MAP9: variants seen among roughly 807,000 people sequenced by gnomAD.
MAP9 encodes the protein microtubule-associated protein 9.
Under a neutral mutation model 75.2 loss-of-function variants are expected in MAP9, and 80 were observed. The ratio of observed to expected loss-of-function variants is 1.06; its 90% CI spans 0.89 to 1.28. The LOEUF (loss-of-function observed/expected upper bound fraction) is 1.28, where lower values mean the gene tolerates loss of function less well. Among genes scored for constraint, MAP9 ranks in the 50% most tolerant of loss-of-function variants. MAP9 has a pLI of 0.00. For synonymous variants in MAP9, 235 were observed against 237.3 expected, an observed-to-expected ratio of 0.99 and a Z score of 0.09; for missense variants, 753 against 719.9, an observed-to-expected ratio of 1.05 and a Z score of -0.53.
intron 13 of MAP9, chr4:155,351,061 A>G (rs1479448729): frequency 2.6e-5 from 4 of 151,968 alleles, no homozygotes; most frequent in Admixed American, 2.6e-4. Flanking sequence ...GACTGGTCAG[A>G]AAGACTGTGA....
In MAP9 at chr4:155,342,892, A is replaced by AT. The variant is rs1350488347; in HGVS notation, c.*4890_*4891insA. ...TCCTTACATTTATAAATTCTTATTT[A>AT]ATTTTATAGCTTTAATGCGGTCCAT... On this transcript the variant is annotated 3_prime_UTR_variant, in exon 14 of 14. Transcript: ENST00000311277. The AT allele has an allele frequency of 6.6e-6, 1 of 152,024 alleles. No individual in the cohort carries two copies. The highest frequency in any genetic ancestry group is 1.5e-5 in the Non-Finnish European group (1 of 67,952). 9.4% of individuals were successfully genotyped at this position (152,024 alleles called of 1,614,324 possible).
At chr4:155,359,210 T>TACACACACACACACACACACAC (rs56261222) in intron 7 of MAP9, among the ~76,000 whole-genome samples, 1 of 145,478 alleles carries the variant, frequency 6.9e-6, no homozygotes, top group Non-Finnish European at 1.5e-5. Context: ...AAAATGTGTA[T>TACACACACACACACACACACAC]ACACACACAC....
intron 5 of MAP9, among the ~76,000 whole-genome samples, chr4:155,365,485 GAATGATA>G (rs1333706035): frequency 6.6e-6 from 1 of 151,980 alleles, no homozygotes; most frequent in African/African-American, 2.4e-5. Context: ...AAGAAGATCT[GAATGATA>G]TTACCAACCA....
chr4:155,344,996 T>C lies in MAP9; in HGVS notation c.*2787A>G, dbSNP rs1035654842. On this transcript the variant is annotated 3_prime_UTR_variant, in exon 14 of 14. Transcript: ENST00000311277. ...CTATATACTTTTAATGTCCTTAATT[T>C]GAATTAAACATTCCCTTATAATACA... The C allele has an allele frequency of 2.6e-5, 4 of 152,000 alleles. No homozygotes were observed. The highest frequency in any genetic ancestry group is 9.7e-5 in the African/African-American group (4 of 41,444). The allele number at this position is 152,000 out of a possible 1,614,324, so 9.4% of individuals were successfully genotyped here.
intron 13 of MAP9, among the ~76,000 whole-genome samples, chr4:155,348,368 G>GA (rs944301792): frequency 7.3e-5 from 11 of 151,368 alleles, no homozygotes; most frequent in African/African-American, 2.7e-4. Flanking sequence ...ATGGAAACAA[G>GA]AAAAAAATTA....
intron 7 of MAP9, 133 bp from the exon 8 acceptor site, chr4:155,357,652 A>T: frequency 1.6e-6 from 1 of 626,526 alleles, no homozygotes; most frequent in South Asian, 1.8e-5. Context: ...ATTGGGAGCA[A>T]ATCAGTGAAT....
In MAP9 at chr4:155,345,192, C is replaced by T. The variant is rs1024042592; in HGVS notation, c.*2591G>A. 4 of 151,892 alleles carry T rather than the reference C, an allele frequency of 2.6e-5. No individual in the cohort carries two copies. The highest frequency in any genetic ancestry group is 2.1e-4 in the South Asian group (1 of 4,820). The allele number at this position is 151,892 out of a possible 1,614,324, so 9.4% of individuals were successfully genotyped here. A position where few individuals can be genotyped will look rare whatever the true frequency, so the allele number is the denominator to read the frequency against. On this transcript the variant is annotated 3_prime_UTR_variant, in exon 14 of 14. Coordinates refer to ENST00000311277, the MANE Select transcript of MAP9 (RefSeq NM_001039580.2). ...GTAAACAACAGTACTGTATTTTCACCCACCTCCCCGAACTCAGCTTTATTT... is the reference window on the plus strand; with the variant it reads ...GTAAACAACAGTACTGTATTTTCACTCACCTCCCCGAACTCAGCTTTATTT...
rs1010585699 is a variant in MAP9, at chr4:155,343,074, G to T, written c.*4709C>A. 2 of 151,816 alleles carry T rather than the reference G, an allele frequency of 1.3e-5. No individual in the cohort carries two copies. The highest frequency in any genetic ancestry group is 2.1e-4 in the South Asian group (1 of 4,812). The allele number at this position is 151,816 out of a possible 1,614,324, so 9.4% of individuals were successfully genotyped here. A position where few individuals can be genotyped will look rare whatever the true frequency, so the allele number is the denominator to read the frequency against. ...TATATTAGCATGGAAATATGTTCAT[G>T]ATATATCACTGAGTGAAAAAAATCT... On this transcript the variant is annotated 3_prime_UTR_variant, in exon 14 of 14. Coordinates refer to ENST00000311277, the MANE Select transcript of MAP9 (RefSeq NM_001039580.2).
chr4:155,373,187 T>C lies in MAP9; in HGVS notation c.430A>G (p.Ile144Val), dbSNP rs200592524. Residue 144 changes from isoleucine (I) to valine (V), a missense_variant, in exon 4 of 14, where the codon ATA becomes GTA. By Grantham distance (29) the Ile-to-Val change is conservative (BLOSUM62 3). Coordinates refer to ENST00000311277, the MANE Select transcript of MAP9 (RefSeq NM_001039580.2). ...NKDEEFEKDK[I>V]KMKPKPRILS... ...ATTCTGGGTTTAGGTTTCATTTTTA[T>C]TTTGTCTTTTTCAAATTCCTCATCC... is the stretch of plus-strand genomic sequence containing the variant. The C allele has an allele frequency of 2.0e-4, 313 of 1,597,406 alleles. 1 individual carries two copies. The highest frequency in any genetic ancestry group is 8.7e-4 in the South Asian group (75 of 86,660).
In MAP9 at chr4:155,362,068, T is replaced by C. The variant is rs1457664088; in HGVS notation, c.782A>G (p.Glu261Gly). 1 of 1,600,960 alleles carries C rather than the reference T, an allele frequency of 6.2e-7. No homozygotes were observed. Among genetic ancestry groups the C allele is most frequent in the East Asian group, 2.2e-5 (1 of 44,648 alleles). Residue 261 changes from glutamate (E) to glycine (G), a missense_variant, in exon 6 of 14, where the codon GAG (glutamate) becomes GGG (glycine). Coordinates refer to ENST00000311277, the MANE Select transcript of MAP9 (RefSeq NM_001039580.2). ...ILGDSFSPGS[E>G]GNASGKDPNE... Reference sequence around the variant, plus strand: ...ACCACCTTTTCCAGATGCGTTTCCCTCAGATCCTGGTGAAAAAGAATCTCC... The same window carrying C: ...ACCACCTTTTCCAGATGCGTTTCCCCCAGATCCTGGTGAAAAAGAATCTCC...
intron 10 of MAP9, among the ~76,000 whole-genome samples, chr4:155,353,543 G>C (rs1731623061): frequency 6.6e-6 from 1 of 151,906 alleles, no homozygotes; most frequent in Non-Finnish European, 1.5e-5. Flanking sequence ...ATTATTCATT[G>C]GTTTTAAAAC....
At chr4:155,357,803 G>T (rs890188628) in intron 7 of MAP9, among the ~76,000 whole-genome samples, 18 of 152,164 alleles carry the variant, frequency 1.2e-4, no homozygotes, top group African/African-American at 3.9e-4. Context: ...CTTTAAAGAA[G>T]TTGGTCAGGG....
chr4:155,376,913 C>T lies in MAP9; in HGVS notation c.-207G>A. Reference sequence around the variant, plus strand: ...TCCCCACCGCCGGGTCTCTCGGGTACCCAACACCGCTCTTCGGCCCAACGT... The same window carrying T: ...TCCCCACCGCCGGGTCTCTCGGGTATCCAACACCGCTCTTCGGCCCAACGT... On this transcript the variant is annotated 5_prime_UTR_variant, in exon 1 of 14. Transcript: ENST00000311277. The T allele has an allele frequency of 6.5e-6, 1 of 152,718 alleles. No individual in the cohort carries two copies. Among genetic ancestry groups the T allele is most frequent in the Non-Finnish European group, 1.5e-5 (1 of 68,044 alleles). 9.5% of individuals were successfully genotyped at this position (152,718 alleles called of 1,614,324 possible). A position where few individuals can be genotyped will look rare whatever the true frequency, so the allele number is the denominator to read the frequency against.
At chr4:155,367,127 C>T (rs1413035096) in intron 5 of MAP9, 1 of 152,124 alleles carries the variant, frequency 6.6e-6, no homozygotes, top group Non-Finnish European at 1.5e-5. Flanking sequence ...TCATGTTCAT[C>T]CAGAACCTCA....
Position 155,368,574 on chromosome 4 carries a change from G to A in MAP9, c.708+12C>T. 1 of 1,575,182 alleles carries A rather than the reference G, an allele frequency of 6.3e-7. No individual in the cohort carries two copies. The highest frequency in any genetic ancestry group is 2.2e-5 in the East Asian group (1 of 44,654). On this transcript the variant is annotated intron_variant, in intron 5 of 13. Transcript: ENST00000311277. ...CAAGAACACAATTCAACAGTTTAGTGGTAGTGCTAACCTCAGGATCAAGGT... is the reference window on the plus strand; with the variant it reads ...CAAGAACACAATTCAACAGTTTAGTAGTAGTGCTAACCTCAGGATCAAGGT...
Position 155,342,816 on chromosome 4 carries a change from CCTG to C in MAP9, c.*4964_*4966del, listed in dbSNP as rs1472024608. On this transcript the variant is annotated 3_prime_UTR_variant, in exon 14 of 14. Coordinates refer to ENST00000311277, the MANE Select transcript of MAP9 (RefSeq NM_001039580.2). ...ATCTCAAAGTGTATATGTCATATAA[CCTG>C]CTGAGTTTTCTGATATTGTAATACT... is the stretch of plus-strand genomic sequence containing the variant. 1 of 151,568 alleles carries C rather than the reference CCTG, an allele frequency of 6.6e-6. No homozygotes were observed. 9.4% of individuals were successfully genotyped at this position (151,568 alleles called of 1,614,324 possible).
chr4:155,357,209 C>A, intron 8 of MAP9: 1 of 444,646 alleles, frequency 2.2e-6, no homozygotes, highest in South Asian at 2.4e-5. Context: ...AAAGGTATTG[C>A]ATAAACATTC....
Position 155,343,687 on chromosome 4 carries a change from C to T in MAP9, c.*4096G>A, listed in dbSNP as rs1200580163. ...ATCTTGAATGGTTGATTTTAATACA[C>T]TAAACATTACATGAAAATATATGCT... On this transcript the variant is annotated 3_prime_UTR_variant, in exon 14 of 14. Coordinates refer to ENST00000311277, the MANE Select transcript of MAP9 (RefSeq NM_001039580.2). 1 of 112,658 alleles carries T rather than the reference C, an allele frequency of 8.9e-6. No homozygotes were observed. The highest frequency in any genetic ancestry group is 1.7e-5 in the Non-Finnish European group (1 of 58,712). 7.0% of individuals were successfully genotyped at this position (112,658 alleles called of 1,614,324 possible).
Position 155,360,595 on chromosome 4 carries a change from A to C in MAP9, c.803-180T>G, listed in dbSNP as rs2111233604. The C allele has an allele frequency of 1.9e-5, 11 of 587,520 alleles. 1 individual carries two copies. In the South Asian group the frequency reaches 2.4e-4, roughly 13 times the overall value. 36.4% of individuals were successfully genotyped at this position (587,520 alleles called of 1,614,324 possible). A position where few individuals can be genotyped will look rare whatever the true frequency, so the allele number is the denominator to read the frequency against. ...CTTTTCGAAAGTGATTTACAAAAAA[A>C]AATAGTCTAGGCTTAACTAATGAAG... On this transcript the variant is annotated intron_variant, in intron 6 of 13. Coordinates refer to ENST00000311277, the MANE Select transcript of MAP9 (RefSeq NM_001039580.2).
Sources: allele counts gnomAD v4.1 joint callset (sites outside exome capture counted in the v4.1 genomes callset), GRCh38; gene constraint gnomAD v4.1.1; transcripts MANE v1.5; gene names NCBI Gene and HGNC (gene_info 2026-07-23, HGNC 2026-07-21).